SLC9D1: variants seen among roughly 807,000 people sequenced by gnomAD.
SLC9D1 encodes putative LAG1-interacting protein.
the SLC9D1 span, chr13:113,503,835 A>C: frequency 2.6e-4 from 123 of 481,432 alleles, no homozygotes; most frequent in Non-Finnish European, 4.0e-4. Flanking sequence ...AGGGTCTGGA[A>C]AGTAATGTGT....
At chr13:113,541,427 A>T in the SLC9D1 span, among the ~76,000 whole-genome samples, 453 of 90,036 alleles carry the variant, frequency 5.0e-3, 1 homozygote, top group Middle Eastern at 8.8e-3. Flanking sequence ...CCATGCTTTA[A>T]TACCGCCGAG....
chr13:113,548,373 C>G, the SLC9D1 span: 1 of 1,613,866 alleles, frequency 6.2e-7, no homozygotes, highest in South Asian at 1.1e-5. Flanking sequence ...TGGATCGTCT[C>G]TGCGGGGCTT....
chr13:113,539,609 A>T, the SLC9D1 span: 3 of 1,281,414 alleles, frequency 2.3e-6, no homozygotes, highest in Non-Finnish European at 3.2e-6. The surrounding 1 kb of genome is among the most constrained non-coding windows in gnomAD (Gnocchi z 4.8). Context: ...AAAAATGGTT[A>T]TCTTAAAAAT....
the SLC9D1 span, chr13:113,524,124 G>A: frequency 9.8e-6 from 4 of 406,840 alleles, no homozygotes; most frequent in Admixed American, 1.0e-4. Flanking sequence ...ATATATGTCA[G>A]TCAGTTAACT....
the SLC9D1 span, among the ~76,000 whole-genome samples, chr13:113,494,569 A>G: frequency 6.6e-6 from 1 of 152,098 alleles, no homozygotes; most frequent in African/African-American, 2.4e-5. Context: ...ATTAATATAC[A>G]TTGTTTTAGG....
At chr13:113,510,135 A>C in the SLC9D1 span, 1 of 1,085,334 alleles carries the variant, frequency 9.2e-7, no homozygotes, top group Non-Finnish European at 1.4e-6. Flanking sequence ...ACAAAAGCTC[A>C]GCTCTGCCTC....
At chr13:113,521,967 AG>A in the SLC9D1 span, among the ~76,000 whole-genome samples, 2 of 152,218 alleles carry the variant, frequency 1.3e-5, no homozygotes, top group African/African-American at 4.8e-5. Context: ...ATCAAAAATT[AG>A]GAGACCTTTT....
chr13:113,524,732 G>A, the SLC9D1 span, among the ~76,000 whole-genome samples: 2 of 151,806 alleles, frequency 1.3e-5, no homozygotes, highest in Non-Finnish European at 2.9e-5. Flanking sequence ...TGTCTGCAAT[G>A]GTGTATCCTT....
the SLC9D1 span, chr13:113,549,560 T>C: frequency 6.2e-7 from 1 of 1,613,548 alleles, no homozygotes; most frequent in African/African-American, 1.3e-5. Context: ...TGATGGACCG[T>C]GGAAGGGAAG....
the SLC9D1 span, among the ~76,000 whole-genome samples, chr13:113,522,219 G>A: frequency 1.6e-4 from 25 of 152,218 alleles, no homozygotes; most frequent in Non-Finnish European, 2.9e-4. Flanking sequence ...TCTTTGTCAA[G>A]CTGAGGAAAT....
the SLC9D1 span, among the ~76,000 whole-genome samples, chr13:113,525,479 T>C: frequency 6.6e-6 from 1 of 152,276 alleles, no homozygotes; most frequent in Non-Finnish European, 1.5e-5. Flanking sequence ...GTACTCCTTC[T>C]ACTTATAAAG....
chr13:113,498,297 T>A, the SLC9D1 span: 1 of 1,378,514 alleles, frequency 7.3e-7, no homozygotes, highest in East Asian at 2.6e-5. Flanking sequence ...ATGTCCTAGC[T>A]TATTTCTTAA....
At chr13:113,501,872 A>T in the SLC9D1 span, 10 of 1,609,304 alleles carry the variant, frequency 6.2e-6, no homozygotes, top group Non-Finnish European at 8.5e-6. Flanking sequence ...AGGACTAAAT[A>T]GTATTAAGGT....
the SLC9D1 span, among the ~76,000 whole-genome samples, chr13:113,503,101 C>T: frequency 6.6e-6 from 1 of 152,316 alleles, no homozygotes; most frequent in South Asian, 2.1e-4. Flanking sequence ...TCACTTCCTG[C>T]CCTTTGCAAA....
the SLC9D1 span, chr13:113,536,517 C>T: frequency 1.8e-4 from 174 of 956,682 alleles, 1 homozygote; most frequent in African/African-American, 2.9e-3. Flanking sequence ...TTTATCCATT[C>T]CAGAGTATTT....
At chr13:113,547,941 G>T in the SLC9D1 span, among the ~76,000 whole-genome samples, 3 of 131,448 alleles carry the variant, frequency 2.3e-5, no homozygotes, top group African/African-American at 9.2e-5. Context: ...TAGCTGCTCG[G>T]CCCAGAGACA....
chr13:113,502,726 C>T, the SLC9D1 span, among the ~76,000 whole-genome samples: 1 of 152,202 alleles, frequency 6.6e-6, no homozygotes, highest in South Asian at 2.1e-4. Flanking sequence ...CCATGAGTCC[C>T]ACTGGAGGGA....
the SLC9D1 span, among the ~76,000 whole-genome samples, chr13:113,508,777 C>T: frequency 6.6e-6 from 1 of 152,218 alleles, no homozygotes; most frequent in African/African-American, 2.4e-5. Flanking sequence ...CTGTGGGAAG[C>T]TGGGGCGTGT....
At chr13:113,499,028 G>A in the SLC9D1 span, among the ~76,000 whole-genome samples, 2 of 152,332 alleles carry the variant, frequency 1.3e-5, no homozygotes, top group East Asian at 3.9e-4. Context: ...TGCTAAGCAA[G>A]GGGTAGGTTA....
Sources: gnomAD v4.1 joint callset for allele counts (sites outside exome capture counted in the v4.1 genomes callset) on GRCh38, gnomAD v4.1.1 for gene constraint, Gnocchi (gnomAD v3.1) non-coding constraint, MANE v1.5 for transcripts, NCBI Gene and HGNC (gene_info 2026-07-23, HGNC 2026-07-21) for gene names.